The following RORA variants were observed in gnomAD, a reference collection of about 807,000 sequenced individuals.
The protein encoded by RORA is RAR related orphan receptor A, also known as nuclear receptor ROR-alpha.
Under a neutral mutation model 69.5 loss-of-function variants are expected in RORA, and 7 were observed. The observed-to-expected ratio is 0.10, with a 90% CI of 0.06 to 0.19. RORA has a LOEUF of 0.19. Among genes scored for constraint, RORA ranks in the 10% least tolerant of loss-of-function variants. The probability of loss-of-function intolerance (pLI) is 1.00; values close to 1 mark genes in which losing one functional copy is unlikely to be tolerated. For missense variants in RORA, 457 were observed against 663.0 expected (o/e 0.69, Z 3.41); for synonymous variants, 261 against 240.8 (o/e 1.08, Z -0.78).
chr15:61,007,951 T>C (rs1004384749), intron 1 of RORA, among the ~76,000 whole-genome samples: 1 of 151,248 alleles, frequency 6.6e-6, no homozygotes, highest in South Asian at 2.1e-4. Context: ...GTTTTGGGTA[T>C]CAAAAAAGAG....
chr15:60,567,692 T>A (rs1286566556), intron 2 of RORA, among the ~76,000 whole-genome samples: 1 of 152,156 alleles, frequency 6.6e-6, no homozygotes, highest in East Asian at 1.9e-4. Context: ...ATTACAGGTG[T>A]GAGCCACCAG....
chr15:60,789,332 T>C (rs759305416), intron 1 of RORA, among the ~76,000 whole-genome samples: 4 of 152,236 alleles, frequency 2.6e-5, no homozygotes, highest in Non-Finnish European at 4.4e-5. Context: ...AACAGCAAAG[T>C]ATTTTAATCA....
At chr15:60,651,760 T>C (rs1016404645) in intron 2 of RORA, among the ~76,000 whole-genome samples, 1 of 152,158 alleles carries the variant, frequency 6.6e-6, no homozygotes, top group Non-Finnish European at 1.5e-5. Flanking sequence ...AAGGCCACTC[T>C]CCCTTGCAGA....
intron 1 of RORA, among the ~76,000 whole-genome samples, chr15:60,978,125 AT>A: frequency 1.2e-5 from 1 of 80,504 alleles, no homozygotes; most frequent in Admixed American, 1.7e-4. Flanking sequence ...AATCTTTCTT[AT>A]TTTCTTCATC....
intron 2 of RORA, among the ~76,000 whole-genome samples, chr15:60,581,240 G>A (rs74664748): frequency 3.0e-4 from 45 of 152,156 alleles, no homozygotes; most frequent in Non-Finnish European, 4.7e-4. Flanking sequence ...GATTCTGAAC[G>A]TAACAGCAGC....
intron 1 of RORA, among the ~76,000 whole-genome samples, chr15:60,940,818 T>G (rs1317112400): frequency 2.6e-5 from 4 of 152,126 alleles, no homozygotes; most frequent in Admixed American, 2.6e-4. Context: ...TCCCAGCTAC[T>G]CGGGAGGCTG....
intron 2 of RORA, among the ~76,000 whole-genome samples, chr15:60,589,199 T>C (rs547581439): frequency 6.6e-6 from 1 of 152,328 alleles, no homozygotes; most frequent in South Asian, 2.1e-4. Flanking sequence ...GAATTCTAAT[T>C]TCATTTCGTA....
At chr15:61,017,436 C>T (rs1482231553) in intron 1 of RORA, among the ~76,000 whole-genome samples, 6 of 152,184 alleles carry the variant, frequency 3.9e-5, no homozygotes, top group African/African-American at 1.4e-4. Context: ...TTAGGTCCTA[C>T]ATCAAAAACT....
chr15:60,516,198 T>TAA (rs1491156383), intron 3 of RORA, among the ~76,000 whole-genome samples: 1 of 9,776 alleles, frequency 1.0e-4, no homozygotes, highest in African/African-American at 4.0e-4. Context: ...TATATATATT[T>TAA]ATATATATAT....
chr15:60,698,232 G>A (rs1254596222), intron 1 of RORA, among the ~76,000 whole-genome samples: 2 of 152,296 alleles, frequency 1.3e-5, no homozygotes, highest in East Asian at 1.9e-4. Flanking sequence ...TGCTGTGGGA[G>A]TGTGCAGGCA....
intron 1 of RORA, among the ~76,000 whole-genome samples, chr15:61,178,753 C>CA (rs879645688): frequency 1.3e-5 from 2 of 151,832 alleles, no homozygotes; most frequent in Non-Finnish European, 2.9e-5. Context: ...GAGTTAATTA[C>CA]AAAAAAGAAA....
rs867993882 is a variant in RORA, at chr15:60,832,931, G to A, written c.167-154245C>T. Among the ~76,000 whole-genome samples, 18 of 151,854 alleles carry A rather than the reference G, an allele frequency of 1.2e-4. 1 individual carries two copies. The South Asian group carries it at 3.7e-3, about 32-fold the overall frequency. On this transcript the variant is annotated intron_variant, in intron 1 of 10. Transcript: ENST00000335670. ...GTGTTCTTTTTTTTTTTGAGACGGA[G>A]TCTCACTGTGTCGCCCAGGCTGGAG... is the stretch of plus-strand genomic sequence containing the variant.
intron 1 of RORA, among the ~76,000 whole-genome samples, chr15:60,833,054 A>G (rs376498182): frequency 2.2e-4 from 33 of 151,712 alleles, no homozygotes; most frequent in African/African-American, 7.0e-4. Flanking sequence ...ACAGGCGCCC[A>G]CCACCATGCC....
At chr15:61,197,039 G>T (rs570460689) in intron 1 of RORA, among the ~76,000 whole-genome samples, 97 of 152,336 alleles carry the variant, frequency 6.4e-4, no homozygotes, top group African/African-American at 2.2e-3. Flanking sequence ...TATTGCCCCA[G>T]GGACCACAGG....
At chr15:60,967,348 T>C (rs145077775) in intron 1 of RORA, among the ~76,000 whole-genome samples, 2 of 152,290 alleles carry the variant, frequency 1.3e-5, no homozygotes, top group Admixed American at 6.5e-5. Context: ...TACCCCCAAA[T>C]ATTACCAATT....
intron 1 of RORA, among the ~76,000 whole-genome samples, chr15:60,860,357 G>C (rs745585615): frequency 6.6e-6 from 1 of 152,176 alleles, no homozygotes; most frequent in Non-Finnish European, 1.5e-5. Flanking sequence ...TACATCACAA[G>C]GTCAAAAGTT....
At chr15:61,111,731 C>G (rs572535864) in intron 1 of RORA, among the ~76,000 whole-genome samples, 1 of 152,064 alleles carries the variant, frequency 6.6e-6, no homozygotes, top group African/African-American at 2.4e-5. Context: ...GTTTTAAAAA[C>G]TAAGGAAAAA....
At chr15:60,879,068 T>C (rs971316468) in intron 1 of RORA, among the ~76,000 whole-genome samples, 8 of 152,192 alleles carry the variant, frequency 5.3e-5, no homozygotes, top group Non-Finnish European at 1.2e-4. Flanking sequence ...GCCTTGGTCT[T>C]CTTGGCTCCC....
At chr15:60,556,895 A>C in intron 2 of RORA, 1 of 1,613,722 alleles carries the variant, frequency 6.2e-7, no homozygotes, top group Non-Finnish European at 8.5e-7. Flanking sequence ...TCCTTTTGTG[A>C]ATATGGTGGC....
Sources: allele counts gnomAD v4.1 joint callset (sites outside exome capture counted in the v4.1 genomes callset), GRCh38; gene constraint gnomAD v4.1.1; transcripts MANE v1.5; gene names NCBI Gene and HGNC (gene_info 2026-07-23, HGNC 2026-07-21).